The following ASTN2 variants were observed in gnomAD, a reference collection of about 807,000 sequenced individuals.
ASTN2 encodes astrotactin-2.
ASTN2 carries 54 observed loss-of-function variants against 139.8 expected under a neutral mutation model. The observed-to-expected ratio is 0.39, with a 90% CI of 0.31 to 0.48. The LOEUF is 0.48. ASTN2 is among the 20% of genes least tolerant of loss of function. ASTN2 has a pLI of 0.95. For missense variants in ASTN2, 1,565 were observed against 1,725.1 expected (o/e 0.91, Z 1.64); for synonymous variants, 756 against 719.5 (o/e 1.05, Z -0.81).
chr9:116,779,725 C>T (rs964580942), intron 13 of ASTN2, among the ~76,000 whole-genome samples: 1 of 152,100 alleles, frequency 6.6e-6, no homozygotes, highest in Admixed American at 6.6e-5. Flanking sequence ...ACATAAATTT[C>T]CCCAAAGCCA....
At position 117,153,167 on chromosome 9, in the gene ASTN2, T is replaced by A. The variant is rs76991409; in HGVS notation, c.1016-11689A>T. Among the ~76,000 whole-genome samples the A allele has an allele frequency of 9.3e-3, 1,407 of 151,914 alleles. 44 individuals carry two copies. In the East Asian group the frequency reaches 0.11, roughly 12 times the overall value. ...AGCCTGGGCTTCAAGAAGCATCACATATTTCTACTCCCACACTTGCATCTG... is the reference window on the plus strand; with the variant it reads ...AGCCTGGGCTTCAAGAAGCATCACAAATTTCTACTCCCACACTTGCATCTG... On this transcript the variant is annotated intron_variant, in intron 3 of 22. Transcript: ENST00000313400.
At chr9:116,845,658 G>A (rs910628416) in intron 11 of ASTN2, among the ~76,000 whole-genome samples, 3 of 152,174 alleles carry the variant, frequency 2.0e-5, no homozygotes, top group South Asian at 2.1e-4. Flanking sequence ...AATCATTAGC[G>A]AAATGCAAAT....
At chr9:117,204,060 T>C (rs1204115338) in intron 3 of ASTN2, among the ~76,000 whole-genome samples, 1 of 152,142 alleles carries the variant, frequency 6.6e-6, no homozygotes, top group Admixed American at 6.5e-5. Flanking sequence ...GCTGGAGTTA[T>C]TGGAGATCCT....
At chr9:116,830,188 T>C (rs923403396) in intron 11 of ASTN2, among the ~76,000 whole-genome samples, 3 of 152,156 alleles carry the variant, frequency 2.0e-5, no homozygotes, top group Admixed American at 2.0e-4. Flanking sequence ...AACAGACACT[T>C]CTTAAAAGAA....
chr9:117,367,101 T>C (rs1829864516), intron 1 of ASTN2, among the ~76,000 whole-genome samples: 1 of 152,128 alleles, frequency 6.6e-6, no homozygotes, highest in South Asian at 2.1e-4. Flanking sequence ...GTGAGCACTC[T>C]ACTAAGGACA....
At chr9:116,916,800 C>G (rs974027882) in intron 10 of ASTN2, among the ~76,000 whole-genome samples, 3 of 152,066 alleles carry the variant, frequency 2.0e-5, no homozygotes, top group Non-Finnish European at 4.4e-5. Flanking sequence ...CCACTGAACT[C>G]CAGCCTGGGT....
intron 10 of ASTN2, among the ~76,000 whole-genome samples, chr9:116,967,471 G>T: frequency 6.6e-6 from 1 of 152,234 alleles, no homozygotes; most frequent in East Asian, 1.9e-4. Flanking sequence ...GGTGAGAAAA[G>T]GAAAAGTTTA....
At chr9:116,432,408 A>G (rs10983154) in intron 22 of ASTN2, among the ~76,000 whole-genome samples, 1 of 152,104 alleles carries the variant, frequency 6.6e-6, no homozygotes, top group Non-Finnish European at 1.5e-5. Context: ...ATCAGAAGAC[A>G]ATATTCTAAA....
intron 20 of ASTN2, among the ~76,000 whole-genome samples, chr9:116,478,727 G>A (rs901236461): frequency 6.6e-6 from 1 of 152,018 alleles, no homozygotes; most frequent in Non-Finnish European, 1.5e-5. Context: ...GGGCGCAGTG[G>A]CTCACACATG....
chr9:117,193,959 G>GTAT (rs138088505), intron 3 of ASTN2, among the ~76,000 whole-genome samples: 5 of 151,558 alleles, frequency 3.3e-5, no homozygotes, highest in African/African-American at 7.3e-5. Context: ...AGAGGGCAGG[G>GTAT]TGTTGTTGTT....
At chr9:117,260,520 A>G (rs956251846) in intron 2 of ASTN2, among the ~76,000 whole-genome samples, 2 of 152,164 alleles carry the variant, frequency 1.3e-5, no homozygotes, top group African/African-American at 4.8e-5. Context: ...ATCAAAAACC[A>G]TATACAATCA....
At chr9:117,137,468 T>C (rs993812674) in intron 4 of ASTN2, among the ~76,000 whole-genome samples, 5 of 152,180 alleles carry the variant, frequency 3.3e-5, no homozygotes, top group African/African-American at 1.2e-4. Flanking sequence ...CCATCCTATT[T>C]GGGATTTTGG....
intron 11 of ASTN2, among the ~76,000 whole-genome samples, chr9:116,836,316 T>A (rs7852640): frequency 6.6e-6 from 1 of 151,918 alleles, no homozygotes; most frequent in Non-Finnish European, 1.5e-5. Flanking sequence ...TGCTTCAATG[T>A]CATGGATTAG....
chr9:117,223,568 G>A (rs1246903448), intron 2 of ASTN2, among the ~76,000 whole-genome samples: 1 of 152,092 alleles, frequency 6.6e-6, no homozygotes, highest in Non-Finnish European at 1.5e-5. Context: ...ATTAGGGAGG[G>A]ACCTATCTAT....
chr9:117,092,831 G>A (rs1828738858), intron 5 of ASTN2, among the ~76,000 whole-genome samples: 1 of 152,186 alleles, frequency 6.6e-6, no homozygotes, highest in Non-Finnish European at 1.5e-5. Flanking sequence ...AATGGTGATG[G>A]CAGAGGAATA....
intron 7 of ASTN2, among the ~76,000 whole-genome samples, chr9:117,003,103 C>T (rs778261233): frequency 1.3e-5 from 2 of 152,106 alleles, no homozygotes; most frequent in Non-Finnish European, 2.9e-5. Context: ...GGGTAGTGTA[C>T]CTAGAACCCA....
chr9:117,326,759 A>G (rs1423766104), intron 1 of ASTN2, among the ~76,000 whole-genome samples: 1 of 145,586 alleles, frequency 6.9e-6, no homozygotes, highest in Non-Finnish European at 1.5e-5. Flanking sequence ...TCCAAGTGCC[A>G]AGAGAGAGTA....
intron 4 of ASTN2, among the ~76,000 whole-genome samples, chr9:117,124,748 C>A (rs10983538): frequency 4.0e-5 from 6 of 149,970 alleles, no homozygotes; most frequent in African/African-American, 1.5e-4. Context: ...GAGGCTGTAG[C>A]GAGCCACCGT....
intron 13 of ASTN2, among the ~76,000 whole-genome samples, chr9:116,760,092 T>C (rs1025038737): frequency 1.3e-5 from 2 of 152,152 alleles, no homozygotes; most frequent in Non-Finnish European, 2.9e-5. Context: ...AAAAATAAGA[T>C]ATCATTATTA....
Sources: allele counts gnomAD v4.1 joint callset (sites outside exome capture counted in the v4.1 genomes callset), GRCh38; gene constraint gnomAD v4.1.1; transcripts MANE v1.5; gene names NCBI Gene and HGNC (gene_info 2026-07-23, HGNC 2026-07-21).